The following TBC1D7 variants were observed in gnomAD, a reference collection of about 807,000 sequenced individuals.
TBC1D7 encodes TBC1 domain family member 7.
In TBC1D7, 33 loss-of-function variants were observed where a neutral mutation model predicts 35.3. The observed-to-expected ratio is 0.93, with a 90% confidence interval of 0.71 to 1.25. The LOEUF is 1.25. Ranked by LOEUF, TBC1D7 falls within the 50% of genes most tolerant of loss-of-function variation. The pLI is 0.00. For missense variants in TBC1D7, 362 were observed against 365.3 expected (o/e 0.99, Z 0.07); for synonymous variants, 135 against 129.5 (o/e 1.04, Z -0.29).
At chr6:13,323,267 C>T (rs1313566161) in intron 3 of TBC1D7, among the ~76,000 whole-genome samples, 1 of 151,878 alleles carries the variant, frequency 6.6e-6, no homozygotes, top group South Asian at 2.1e-4. Flanking sequence ...GCAGGAGAAT[C>T]GCCTGAACCC....
chr6:13,315,379 C>T (rs1783530072), intron 5 of TBC1D7, among the ~76,000 whole-genome samples: 1 of 152,204 alleles, frequency 6.6e-6, no homozygotes, highest in Admixed American at 6.5e-5. Context: ...TTTCTTTTCT[C>T]TAGCTTACCT....
Position 13,327,294 on chromosome 6 carries a change from A to C in TBC1D7, c.-8-388T>G, listed in dbSNP as rs1784464453. 3.3e-5 allele frequency among the ~76,000 whole-genome samples: 5 copies of C among 152,366 alleles called. No homozygotes were observed. In the South Asian group the frequency reaches 1.0e-3, roughly 32 times the overall value. On this transcript the variant is annotated intron_variant, in intron 1 of 7. Transcript: ENST00000379300. ...AAGATACGTCAAGCAAATTATACTC[A>C]AACAGTATACACTATGATTTCATTT...
chr6:13,306,217 AT>A, intron 7 of TBC1D7, 180 bp downstream of exon 7: 1 of 459,624 alleles, frequency 2.2e-6, no homozygotes, highest in South Asian at 4.2e-5. Context: ...TCAAATTATT[AT>A]TTCTCTTAAA....
intron 3 of TBC1D7, among the ~76,000 whole-genome samples, chr6:13,324,807 G>A (rs1224177537): frequency 5.9e-5 from 9 of 152,166 alleles, no homozygotes; most frequent in Admixed American, 5.9e-4. Flanking sequence ...TCCCAGAGGG[G>A]TCGCCTTCCT....
rs761443203 is a variant in TBC1D7 at position 13,316,590 on chromosome 6, C to T, written c.500G>A (p.Arg167Gln). The change falls in exon 5 of 8, where the codon CGG (arginine) becomes CAG (glutamine). Residue 167 changes from arginine (R) to glutamine (Q), a missense_variant. Arg to Gln is a conservative substitution (Grantham distance 43). Transcript: ENST00000379300. The stretch of plus-strand genomic sequence containing the variant: ...CCTCACCAACTGGGGCAAGGAATCC[C>T]GGTACTTGGTATTTAATTGGTTCAC... ...RFVNQLNTKY[R>Q]DSLPQLPKAF... The T allele has an allele frequency of 6.8e-5, 110 of 1,612,200 alleles. No homozygotes were observed. In the Admixed American group the frequency reaches 7.9e-4, roughly 12 times the overall value.
chr6:13,307,669 G>C lies in TBC1D7; in HGVS notation c.596C>G (p.Pro199Arg). ...LTHLRMCSAAPKLPYDLWFKR... is the reference protein window; with the variant it reads ...LTHLRMCSAARKLPYDLWFKR... ...GAACCAGAGATCATAAGGAAGTTTG[G>C]GCGCCGCGGAACACATCCTCAGATG... The change falls in exon 6 of 8, where the codon CCC (proline) becomes CGC (arginine). Residue 199 changes from proline to arginine, a missense_variant. Pro to Arg is a moderately radical substitution (Grantham distance 103). Transcript: ENST00000379300. The C allele has an allele frequency of 1.9e-6, 3 of 1,614,094 alleles. No homozygotes were observed. Among genetic ancestry groups the C allele is most frequent in the Non-Finnish European group, 2.5e-6 (3 of 1,180,016 alleles).
intron 7 of TBC1D7, 24 bp from the exon 8 acceptor site, chr6:13,305,211 T>G (rs781607335): frequency 1.2e-4 from 191 of 1,612,910 alleles, no homozygotes; most frequent in Non-Finnish European, 1.5e-4. Context: ...AATCAGTCTT[T>G]GTGAAATTTC....
At position 13,328,419 on chromosome 6, in the gene TBC1D7, G is replaced by A. The variant is rs13212123; in HGVS notation, c.-132C>T. ...ACCGTTGGGGCCCAGGGCCAGGAGG[G>A]ACGAGTCCTGCGGGAAGGAGGGAGG... On this transcript the variant is annotated 5_prime_UTR_variant, in exon 1 of 8. Transcript: ENST00000379300. The A allele has an allele frequency of 6.5e-6, 1 of 153,582 alleles. No homozygotes were observed. The highest frequency in any genetic ancestry group is 1.7e-4 in the South Asian group (1 of 5,798). The allele number at this position is 153,582 out of a possible 1,614,324, so 9.5% of individuals were successfully genotyped here. A position where few individuals can be genotyped will look rare whatever the true frequency, so the allele number is the denominator to read the frequency against.
intron 6 of TBC1D7, 25 bp from the exon 7 acceptor site, chr6:13,306,552 A>G: frequency 6.5e-7 from 1 of 1,537,332 alleles, no homozygotes; most frequent in Non-Finnish European, 8.8e-7. Context: ...AGATATAATC[A>G]AATTATATGA....
chr6:13,308,842 G>A (rs921341365), intron 5 of TBC1D7, among the ~76,000 whole-genome samples: 1 of 152,206 alleles, frequency 6.6e-6, no homozygotes, highest in Non-Finnish European at 1.5e-5. Context: ...TACTAGTAAA[G>A]AGGTAACTAC....
At chr6:13,316,456 C>T in intron 5 of TBC1D7, 115 bp downstream of exon 5, 1 of 1,131,094 alleles carries the variant, frequency 8.8e-7, no homozygotes, top group South Asian at 1.6e-5. Context: ...TTGCTGAGTT[C>T]TACTATAAAG....
At chr6:13,321,934 G>C (rs1321326190) in intron 3 of TBC1D7, among the ~76,000 whole-genome samples, 2 of 152,164 alleles carry the variant, frequency 1.3e-5, no homozygotes, top group Admixed American at 6.5e-5. Flanking sequence ...ACTAAGTTTT[G>C]CCATAAAGAA....
At chr6:13,310,703 A>G (rs1783148199) in intron 5 of TBC1D7, among the ~76,000 whole-genome samples, 1 of 151,948 alleles carries the variant, frequency 6.6e-6, no homozygotes, top group African/African-American at 2.4e-5. Flanking sequence ...AAACTATGAC[A>G]GGGAATAAGG....
rs140221187 is a variant in TBC1D7 at position 13,323,034 on chromosome 6, T to C, written c.194-1939A>G. Among the ~76,000 whole-genome samples the C allele has an allele frequency of 6.7e-3, 1,015 of 152,258 alleles. 12 individuals carry two copies. The highest frequency in any genetic ancestry group is 0.023 in the African/African-American group (966 of 41,558). ...ACAGCTCTAAACTTCCAGTGCCTTG[T>C]CCTCAAAAAATAACTATGACATGAT... On this transcript the variant is annotated intron_variant, in intron 3 of 7. Transcript: ENST00000379300.
At position 13,320,985 on chromosome 6, in the gene TBC1D7, T is replaced by C. The variant is rs2127539214; in HGVS notation, c.304A>G (p.Thr102Ala). 6.2e-7 allele frequency: 1 copy of C among 1,614,208 alleles called. No homozygotes were observed. Among genetic ancestry groups the C allele is most frequent in the Non-Finnish European group, 8.5e-7 (1 of 1,180,024 alleles). The change falls in exon 4 of 8, where the codon ACA becomes GCA. Residue 102 changes from threonine (T) to alanine (A), a missense_variant. Thr to Ala is a moderately conservative substitution (Grantham distance 58). Coordinates refer to ENST00000379300, the MANE Select transcript of TBC1D7 (RefSeq NM_016495.6). ...LKVVRFVSDA[T>A]PQAEVYLRMY... ...CGGAGATAGACTTCAGCCTGAGGTG[T>C]GGCATCACTAACAAAGCGAACGACT...
At position 13,306,473 on chromosome 6, in the gene TBC1D7, G is replaced by C; in HGVS notation, c.720C>G (p.Val240=). 6.2e-7 allele frequency: 1 copy of C among 1,609,026 alleles called. No homozygotes were observed. Among genetic ancestry groups the C allele is most frequent in the Non-Finnish European group, 8.5e-7 (1 of 1,177,872 alleles). The part of the protein sequence containing the change: ...GSCKILVFVA[V]EILLTFKIKV... Reference sequence around the variant, plus strand: ...TTATTTTAAAGGTTAATAAAATTTCGACAGCTACAAAAACTAGGATCTTAC... The same window carrying C: ...TTATTTTAAAGGTTAATAAAATTTCCACAGCTACAAAAACTAGGATCTTAC... The change falls in exon 7 of 8, where the codon GTC becomes GTG. Residue 240 remains valine (V), a synonymous_variant. Coordinates refer to ENST00000379300, the MANE Select transcript of TBC1D7 (RefSeq NM_016495.6).
intron 6 of TBC1D7, chr6:13,307,172 CT>C (rs1782865402): frequency 5.7e-6 from 1 of 174,432 alleles, no homozygotes; most frequent in African/African-American, 2.4e-5. Context: ...ATCACAAAGT[CT>C]TAATGGGTGG....
chr6:13,326,270 C>T (rs1416867423), intron 2 of TBC1D7, among the ~76,000 whole-genome samples: 1 of 152,060 alleles, frequency 6.6e-6, no homozygotes, highest in Admixed American at 6.5e-5. Context: ...TGAGACCAGC[C>T]TGGCCAACAT....
chr6:13,327,302 T>C (rs1784464809), intron 1 of TBC1D7, among the ~76,000 whole-genome samples: 1 of 152,232 alleles, frequency 6.6e-6, no homozygotes, highest in South Asian at 2.1e-4. Context: ...TCAAACAGTA[T>C]ACACTATGAT....
Sources: allele counts gnomAD v4.1 joint callset (sites outside exome capture counted in the v4.1 genomes callset), GRCh38; gene constraint gnomAD v4.1.1; transcripts MANE v1.5; gene names NCBI Gene and HGNC (gene_info 2026-07-23, HGNC 2026-07-21).